The following CDCA2 variants were observed in gnomAD, a reference collection of about 807,000 sequenced individuals.
The protein encoded by CDCA2 is cell division cycle-associated protein 2.
A neutral mutation model predicts 67.0 loss-of-function variants in CDCA2; 44 were observed. That is an observed-to-expected ratio of 0.66 (90% CI 0.52 to 0.84). CDCA2 has a LOEUF of 0.84. Among genes scored for constraint, CDCA2 ranks in the 40% least tolerant of loss-of-function variants. The pLI, the probability that CDCA2 is intolerant of heterozygous loss-of-function variation, is 0.00. For missense variants in CDCA2, 1,253 were observed against 1,203.2 expected, an observed-to-expected ratio of 1.04 and a Z score of -0.61; for synonymous variants, 447 against 418.7, an observed-to-expected ratio of 1.07 and a Z score of -0.82.
chr8:25,491,429 G>T (rs961767098), intron 13 of CDCA2, among the ~76,000 whole-genome samples: 3 of 152,142 alleles, frequency 2.0e-5, no homozygotes, highest in Non-Finnish European at 2.9e-5. Context: ...AGGATAATGA[G>T]GAAAGTGGGC....
rs199980684 is a variant in CDCA2, at chr8:25,471,375, A to C, written c.820+1395A>C. ...TGTTTTCTTTCTTCTTCTTCTTCTT[A>C]TTTTTGAGACAGAGTCTCGCTCTGT... is the stretch of plus-strand genomic sequence containing the variant. On this transcript the variant is annotated intron_variant, in intron 7 of 14. Coordinates refer to ENST00000330560, the MANE Select transcript of CDCA2 (RefSeq NM_152562.4). 1.1e-3 allele frequency among the ~76,000 whole-genome samples: 32 copies of C among 30,432 alleles called. No homozygotes were observed. In the East Asian group the frequency reaches 0.034, roughly 32 times the overall value. The allele number at this position is 30,432 out of a possible 152,430, so 20.0% of individuals were successfully genotyped here.
intron 6 of CDCA2, 124 bp downstream of exon 6, chr8:25,468,537 G>GTGTGTGTGTA: frequency 4.0e-6 from 2 of 501,800 alleles, no homozygotes; most frequent in Middle Eastern, 5.3e-4. Context: ...CCTGGGGTGT[G>GTGTGTGTGTA]TGTGTGTGTG....
At chr8:25,483,323 C>A in intron 8 of CDCA2, 76 bp from the exon 9 acceptor site, 1 of 892,386 alleles carries the variant, frequency 1.1e-6, no homozygotes, top group Non-Finnish European at 1.7e-6. Context: ...CAGAGAATTT[C>A]AAAACTGCTG....
chr8:25,499,294 ATTTTTTTT>A (rs34849682), intron 13 of CDCA2, among the ~76,000 whole-genome samples: 1 of 83,202 alleles, frequency 1.2e-5, no homozygotes, highest in South Asian at 5.1e-4. Flanking sequence ...ATGTCCATGA[ATTTTTTTT>A]TTTTTTTTTT....
chr8:25,504,770 A>G (rs1467687789), intron 14 of CDCA2, among the ~76,000 whole-genome samples: 1 of 152,144 alleles, frequency 6.6e-6, no homozygotes, highest in Non-Finnish European at 1.5e-5. Context: ...AATGTTGCTT[A>G]TCTTCCAAGA....
At chr8:25,492,134 T>TG (rs371919113) in intron 13 of CDCA2, among the ~76,000 whole-genome samples, 44,980 of 137,598 alleles carry the variant, frequency 0.33, 6,487 homozygotes, top group African/African-American at 0.41. Flanking sequence ...AGCGGGGGGT[T>TG]GGGGGGTCTC....
chr8:25,494,531 C>T (rs1233149271), intron 13 of CDCA2, among the ~76,000 whole-genome samples: 2 of 151,968 alleles, frequency 1.3e-5, no homozygotes, highest in African/African-American at 4.8e-5. Context: ...CATTTTATGT[C>T]GGGGACTTGA....
At position 25,507,424 on chromosome 8, in the gene CDCA2, A is replaced by G. The variant is rs373562623; in HGVS notation, c.2758A>G (p.Lys920Glu). Residue 920 changes from lysine (K) to glutamate (E), a missense_variant, in exon 15 of 15, where the codon AAA becomes GAA. Coordinates refer to ENST00000330560, the MANE Select transcript of CDCA2 (RefSeq NM_152562.4). ...LPLPSTSQKA[K>E]RRTICTFDSS... ...ACTTCCTTCCACTTCCCAAAAAGCCAAAAGAAGAACAATATGTACATTTGA... is the reference window on the plus strand; with the variant it reads ...ACTTCCTTCCACTTCCCAAAAAGCCGAAAGAAGAACAATATGTACATTTGA... 6.2e-7 allele frequency: 1 copy of G among 1,614,106 alleles called. No individual in the cohort carries two copies.
chr8:25,460,144 G>A (rs2117469545), intron 1 of CDCA2, 96 bp from the exon 2 acceptor site: 1 of 1,166,496 alleles, frequency 8.6e-7, no homozygotes, highest in Non-Finnish European at 1.3e-6. Flanking sequence ...TGCCAGTATG[G>A]ACTGTATTAC....
intron 13 of CDCA2, among the ~76,000 whole-genome samples, chr8:25,502,852 C>G (rs1804529986): frequency 6.6e-6 from 1 of 152,136 alleles, no homozygotes; most frequent in African/African-American, 2.4e-5. Context: ...CTGAATCCTG[C>G]TTTGTAGTTT....
In CDCA2 at chr8:25,484,421, T is replaced by G. The variant is rs79306571; in HGVS notation, c.1365+211T>G. On this transcript the variant is annotated intron_variant, in intron 10 of 14. Transcript: ENST00000330560. ...ACTCCTTGTACATATTGAACAGATT[T>G]ATGCCAATGAATTTAACAACTTAGG... Among the ~76,000 whole-genome samples, 1,036 of 152,312 alleles carry G rather than the reference T, an allele frequency of 6.8e-3. 7 individuals are homozygous for G. Among genetic ancestry groups the G allele is most frequent in the African/African-American group, 0.023 (961 of 41,566 alleles).
At chr8:25,477,080 T>G (rs568410571) in intron 7 of CDCA2, among the ~76,000 whole-genome samples, 5 of 152,216 alleles carry the variant, frequency 3.3e-5, no homozygotes, top group Non-Finnish European at 7.3e-5. Flanking sequence ...GGCCACACTC[T>G]GTCTCCTTGC....
At chr8:25,475,877 A>G (rs1803327988) in intron 7 of CDCA2, among the ~76,000 whole-genome samples, 1 of 152,162 alleles carries the variant, frequency 6.6e-6, no homozygotes, top group Admixed American at 6.5e-5. Flanking sequence ...CAGCCTTGCC[A>G]GTACTCCCAG....
intron 13 of CDCA2, among the ~76,000 whole-genome samples, chr8:25,495,603 G>A (rs565306276): frequency 6.6e-6 from 1 of 152,106 alleles, no homozygotes; most frequent in Admixed American, 6.6e-5. Flanking sequence ...TTATTTTTTA[G>A]TAGAGACTGG....
At chr8:25,503,256 C>G in intron 13 of CDCA2, 117 bp from the exon 14 acceptor site, 1 of 763,482 alleles carries the variant, frequency 1.3e-6, no homozygotes, top group Non-Finnish European at 2.1e-6. Context: ...GCACTCCAGC[C>G]TGGATGACAA....
At chr8:25,501,905 TG>T (rs1804492089) in intron 13 of CDCA2, among the ~76,000 whole-genome samples, 1 of 152,214 alleles carries the variant, frequency 6.6e-6, no homozygotes, top group African/African-American at 2.4e-5. Flanking sequence ...TGTTTTGTTT[TG>T]TTTTGTTTTT....
rs762725048 is a variant in CDCA2 at position 25,459,245 on chromosome 8, C to G, written c.-229C>G. The G allele has an allele frequency of 2.0e-5, 3 of 152,618 alleles. No homozygotes were observed. The highest frequency in any genetic ancestry group is 3.9e-4 in the East Asian group (2 of 5,192). The allele number at this position is 152,618 out of a possible 1,614,324, so 9.5% of individuals were successfully genotyped here. A position where few individuals can be genotyped will look rare whatever the true frequency, so the allele number is the denominator to read the frequency against. On this transcript the variant is annotated 5_prime_UTR_variant, in exon 1 of 15. Transcript: ENST00000330560. ...GGAGGAGGCGGGTGGAGGAGGCTGC[C>G]GGGCAGAGCGCAGGCCAGGATCAGC... is the stretch of plus-strand genomic sequence containing the variant.
At chr8:25,476,833 C>T (rs1363499172) in intron 7 of CDCA2, among the ~76,000 whole-genome samples, 1 of 152,154 alleles carries the variant, frequency 6.6e-6, no homozygotes, top group Non-Finnish European at 1.5e-5. Flanking sequence ...GAATTACAGG[C>T]ATGAGCCACC....
intron 3 of CDCA2, 80 bp from the exon 4 acceptor site, chr8:25,461,974 G>C (rs1162690287): frequency 3.0e-5 from 41 of 1,359,234 alleles, no homozygotes; most frequent in Non-Finnish European, 4.2e-5. Flanking sequence ...TCTCTCTCAG[G>C]CTGGTACATC....
Sources: gnomAD v4.1 joint callset for allele counts (sites outside exome capture counted in the v4.1 genomes callset) on GRCh38, gnomAD v4.1.1 for gene constraint, MANE v1.5 for transcripts, NCBI Gene and HGNC (gene_info 2026-07-23, HGNC 2026-07-21) for gene names.